ADAMTSL1: variants seen among roughly 807,000 people sequenced by gnomAD.
The protein encoded by ADAMTSL1 is ADAMTS-like protein 1.
ADAMTSL1 carries 126 observed loss-of-function variants against 201.8 expected under a neutral mutation model. The observed-to-expected ratio is 0.62, with a 90% CI of 0.54 to 0.72. The LOEUF (loss-of-function observed/expected upper bound fraction) is 0.72. Ranked by LOEUF, ADAMTSL1 falls within the 30% of genes least tolerant of loss-of-function variation. ADAMTSL1 has a pLI of 0.00. For missense variants in ADAMTSL1, 2,679 were observed against 2,277.8 expected (o/e 1.18, Z -3.59); for synonymous variants, 1,121 against 903.4 (o/e 1.24, Z -4.32).
chr9:18,856,984 G>A (rs921565777), intron 23 of ADAMTSL1, among the ~76,000 whole-genome samples: 1 of 152,074 alleles, frequency 6.6e-6, no homozygotes, highest in African/African-American at 2.4e-5. Context: ...TTTCACCTTG[G>A]ATGCTCATGT....
chr9:18,078,685 T>G lies in ADAMTSL1; in HGVS notation c.88-85177T>G, dbSNP rs529770162. On this transcript the variant is annotated intron_variant, in intron 1 of 29. Transcript: ENST00000680146. ...TCTAAGCCCCTCCAATCGTAACCCC[T>G]AGGATGTAGGCATATTCTGTTTCTC... Among the ~76,000 whole-genome samples the G allele has an allele frequency of 2.0e-5, 3 of 152,308 alleles. No homozygotes were observed. In the South Asian group the frequency reaches 6.2e-4, roughly 32 times the overall value.
intron 1 of ADAMTSL1, among the ~76,000 whole-genome samples, chr9:18,077,721 C>A (rs910383451): frequency 6.6e-6 from 1 of 151,884 alleles, no homozygotes; most frequent in African/African-American, 2.4e-5. Context: ...AAGCTGCAGA[C>A]TAACGTGGGG....
At chr9:18,819,973 G>T (rs1026229306) in intron 21 of ADAMTSL1, among the ~76,000 whole-genome samples, 2 of 152,164 alleles carry the variant, frequency 1.3e-5, no homozygotes, top group African/African-American at 4.8e-5. Context: ...AGCTCTTAAG[G>T]CTCTTTCCTT....
intron 22 of ADAMTSL1, among the ~76,000 whole-genome samples, chr9:18,828,685 TA>T (rs1563836052): frequency 9.4e-6 from 1 of 106,924 alleles, no homozygotes; most frequent in Non-Finnish European, 1.8e-5. Context: ...TATATATATA[TA>T]TATATATAAA....
intron 2 of ADAMTSL1, among the ~76,000 whole-genome samples, chr9:18,307,166 G>T (rs1421875550): frequency 6.6e-6 from 1 of 151,992 alleles, no homozygotes; most frequent in Non-Finnish European, 1.5e-5. Context: ...TCACCACCAG[G>T]CCTGCTTTAC....
chr9:17,925,993 A>ATGTT (rs1285002193), intron 1 of ADAMTSL1, among the ~76,000 whole-genome samples: 1 of 152,176 alleles, frequency 6.6e-6, no homozygotes, highest in Non-Finnish European at 1.5e-5. Flanking sequence ...AAGGAAGGAA[A>ATGTT]TGTTTCATGT....
chr9:17,924,039 G>C (rs1173239029), intron 1 of ADAMTSL1, among the ~76,000 whole-genome samples: 1 of 137,334 alleles, frequency 7.3e-6, no homozygotes, highest in Admixed American at 7.4e-5. Flanking sequence ...GTATTTTATT[G>C]AGGATTTTTG....
At chr9:18,877,192 G>T (rs1301894290) in intron 23 of ADAMTSL1, among the ~76,000 whole-genome samples, 1 of 151,802 alleles carries the variant, frequency 6.6e-6, no homozygotes, top group African/African-American at 2.4e-5. Flanking sequence ...CCTTTCTCTG[G>T]TGCCTCCTTG....
chr9:18,652,365 C>A (rs1322794813), intron 7 of ADAMTSL1, among the ~76,000 whole-genome samples: 27 of 94,902 alleles, frequency 2.8e-4, no homozygotes, highest in Admixed American at 1.1e-3. Flanking sequence ...AACTCCATCT[C>A]AAAAAAAAAA....
At chr9:18,712,757 A>C (rs1278252090) in intron 14 of ADAMTSL1, among the ~76,000 whole-genome samples, 2 of 152,058 alleles carry the variant, frequency 1.3e-5, no homozygotes, top group African/African-American at 4.8e-5. Flanking sequence ...AACGCCACAA[A>C]GATACTCCTC....
At chr9:18,874,784 C>G (rs541927797) in intron 23 of ADAMTSL1, among the ~76,000 whole-genome samples, 6 of 152,016 alleles carry the variant, frequency 3.9e-5, no homozygotes, top group East Asian at 1.9e-4. Flanking sequence ...GCTTCATAGA[C>G]TGATTTAGGG....
At position 18,753,346 on chromosome 9, in the gene ADAMTSL1, C is replaced by G. The variant is rs1323500930; in HGVS notation, c.2055C>G (p.Gly685=). The G allele has an allele frequency of 6.2e-7, 1 of 1,612,428 alleles. No individual in the cohort carries two copies. The highest frequency in any genetic ancestry group is 1.7e-5 in the Admixed American group (1 of 59,834). The change falls in exon 16 of 29, where the codon GGC becomes GGG. Residue 685 remains glycine, a synonymous_variant. Coordinates refer to ENST00000380548, the MANE Select transcript of ADAMTSL1 (RefSeq NM_001040272.6). ...WSPCSLTCGV[G]LQTRDVFCSH... Reference sequence around the variant, plus strand: ...CATGTAGTCTCACATGTGGGGTCGGCCTACAGACCAGAGACGTCTTCTGCA... The same window carrying G: ...CATGTAGTCTCACATGTGGGGTCGGGCTACAGACCAGAGACGTCTTCTGCA...
intron 1 of ADAMTSL1, among the ~76,000 whole-genome samples, chr9:17,953,067 A>T (rs575744907): frequency 2.0e-4 from 31 of 151,300 alleles, no homozygotes; most frequent in African/African-American, 7.0e-4. Context: ...GACTGTTTAC[A>T]TTCATATAGG....
At position 18,235,603 on chromosome 9, in the gene ADAMTSL1, T is replaced by A. The variant is rs143014729; in HGVS notation, c.207+71622T>A. Among the ~76,000 whole-genome samples, 42 of 152,340 alleles carry A rather than the reference T, an allele frequency of 2.8e-4. 1 individual carries two copies. Among genetic ancestry groups the A allele is most frequent in the African/African-American group, 9.9e-4 (41 of 41,588 alleles). On this transcript the variant is annotated intron_variant, in intron 2 of 29. Transcript: ENST00000680146. ...CAGACATTGGGCTAAGTAATCACCT[T>A]GAAATAGCTCCATATGTAGTATACA...
chr9:18,014,538 T>C (rs1418706701), intron 1 of ADAMTSL1, among the ~76,000 whole-genome samples: 3 of 152,148 alleles, frequency 2.0e-5, no homozygotes, highest in African/African-American at 7.2e-5. Flanking sequence ...ATACACCTTA[T>C]GCATTCAAAA....
intron 1 of ADAMTSL1, among the ~76,000 whole-genome samples, chr9:17,979,188 A>G (rs1316269904): frequency 1.3e-5 from 2 of 152,134 alleles, no homozygotes; most frequent in African/African-American, 2.4e-5. Context: ...TTCAGGATTC[A>G]TAAACCTGGA....
At chr9:18,080,259 T>C (rs1823433889) in intron 1 of ADAMTSL1, among the ~76,000 whole-genome samples, 1 of 151,890 alleles carries the variant, frequency 6.6e-6, no homozygotes, top group Non-Finnish European at 1.5e-5. Flanking sequence ...CAAAGACATA[T>C]AAGGTAGAGA....
intron 1 of ADAMTSL1, among the ~76,000 whole-genome samples, chr9:18,501,456 A>G (rs1396059397): frequency 6.8e-6 from 1 of 147,866 alleles, no homozygotes; most frequent in Non-Finnish European, 1.5e-5. Flanking sequence ...GGCTGCAATG[A>G]TCGTGTCACT....
intron 1 of ADAMTSL1, among the ~76,000 whole-genome samples, chr9:18,019,793 T>C (rs977271797): frequency 6.6e-6 from 1 of 152,058 alleles, no homozygotes; most frequent in Non-Finnish European, 1.5e-5. Flanking sequence ...CAGGAAAAAC[T>C]GTTCAGTTAC....
Sources: gnomAD v4.1 joint callset for allele counts (sites outside exome capture counted in the v4.1 genomes callset) on GRCh38, gnomAD v4.1.1 for gene constraint, MANE v1.5 for transcripts, NCBI Gene and HGNC (gene_info 2026-07-23, HGNC 2026-07-21) for gene names.